The following CSMD1 variants were observed in gnomAD, a reference collection of about 807,000 sequenced individuals.
The protein encoded by CSMD1 is CUB and sushi domain-containing protein 1.
In CSMD1, 213 loss-of-function variants were observed where a neutral mutation model predicts 417.5. The observed-to-expected ratio is 0.51, with a 90% CI of 0.46 to 0.57. The LOEUF is 0.57. Ranked by LOEUF, CSMD1 falls within the 20% of genes least tolerant of loss-of-function variation. The pLI, the probability that CSMD1 is intolerant of heterozygous loss-of-function variation, is 0.00. For missense variants in CSMD1, 6,923 were observed against 4,529.7 expected (o/e 1.53, Z -15.17); for synonymous variants, 2,862 against 1,736.8 (o/e 1.65, Z -16.11).
chr8:4,525,941 T>C (rs1167078040), intron 2 of CSMD1, among the ~76,000 whole-genome samples: 1 of 152,098 alleles, frequency 6.6e-6, no homozygotes, highest in Non-Finnish European at 1.5e-5. Context: ...GGGCAGAATA[T>C]CCATGATAGA....
At chr8:4,345,155 A>G (rs947066993) in intron 3 of CSMD1, among the ~76,000 whole-genome samples, 8 of 152,188 alleles carry the variant, frequency 5.3e-5, no homozygotes, top group African/African-American at 1.7e-4. Flanking sequence ...AGCAGAAAAC[A>G]GTGGAAACAG....
chr8:4,781,243 G>C lies in CSMD1; in HGVS notation c.86-143685C>G, dbSNP rs568375645. Among the ~76,000 whole-genome samples, 119 of 152,330 alleles carry C rather than the reference G, an allele frequency of 7.8e-4. 4 individuals carry two copies. In the South Asian group the frequency reaches 0.023, roughly 29 times the overall value. ...TTATGTGGTGAGGCACAATGGCTAAGCATGATGAGGGAATGCCCTCCTGCA... is the reference window on the plus strand; with the variant it reads ...TTATGTGGTGAGGCACAATGGCTAACCATGATGAGGGAATGCCCTCCTGCA... On this transcript the variant is annotated intron_variant, in intron 1 of 69. Coordinates refer to ENST00000635120, the MANE Select transcript of CSMD1 (RefSeq NM_033225.6).
At chr8:4,434,724 T>A (rs545392168) in intron 2 of CSMD1, among the ~76,000 whole-genome samples, 1 of 152,278 alleles carries the variant, frequency 6.6e-6, no homozygotes, top group South Asian at 2.1e-4. Flanking sequence ...CTGACAGTGC[T>A]CATCCGGTGA....
chr8:4,126,999 A>C (rs1012536192), intron 3 of CSMD1, among the ~76,000 whole-genome samples: 4 of 152,134 alleles, frequency 2.6e-5, no homozygotes, highest in African/African-American at 9.7e-5. Context: ...CGAGTTTGAG[A>C]GCCACTGGCC....
At chr8:3,369,540 C>T (rs1157106881) in intron 18 of CSMD1, among the ~76,000 whole-genome samples, 170 bp from the exon 19 acceptor site, 4 of 152,156 alleles carry the variant, frequency 2.6e-5, no homozygotes, top group Non-Finnish European at 5.9e-5. Context: ...ATATCATATG[C>T]TAGTTCATAT....
chr8:4,472,964 T>G (rs1034186056), intron 2 of CSMD1, among the ~76,000 whole-genome samples: 17 of 151,918 alleles, frequency 1.1e-4, no homozygotes, highest in Non-Finnish European at 2.2e-4. Context: ...CATTACCTAT[T>G]TATATTTCAT....
intron 1 of CSMD1, among the ~76,000 whole-genome samples, chr8:4,707,078 AC>A (rs1807992063): frequency 6.6e-6 from 1 of 152,216 alleles, no homozygotes; most frequent in Non-Finnish European, 1.5e-5. Context: ...AGGAAAGATC[AC>A]CCTGGCAGCT....
At position 2,935,531 on chromosome 8, in the gene CSMD1, T is replaced by C. The variant is rs1585020220; in HGVS notation, c.*3054A>G. On this transcript the variant is annotated 3_prime_UTR_variant, in exon 70 of 70. Transcript: ENST00000635120. ...AATAGGATTGGAACTGAAAATCAGC[T>C]AGAGATGGTACATTTTACATTATTG... is the stretch of plus-strand genomic sequence containing the variant. 2.0e-5 allele frequency: 3 copies of C among 152,310 alleles called. No homozygotes were observed. The highest frequency in any genetic ancestry group is 2.1e-4 in the South Asian group (1 of 4,826). The allele number at this position is 152,310 out of a possible 1,614,324, so 9.4% of individuals were successfully genotyped here.
In CSMD1 at chr8:3,396,266, C is replaced by T. The variant is rs377581855; in HGVS notation, c.2521G>A (p.Gly841Arg). The T allele has an allele frequency of 1.1e-5, 18 of 1,589,610 alleles. No homozygotes were observed. Among genetic ancestry groups the T allele is most frequent in the South Asian group, 5.7e-5 (5 of 87,066 alleles). The change falls in exon 17 of 70, where the codon GGG becomes AGG. Residue 841 changes from glycine (G) to arginine (R), a missense_variant. Coordinates refer to ENST00000635120, the MANE Select transcript of CSMD1 (RefSeq NM_033225.6). ...TQAPQFLIST[G>R]NFMYLLFTTD... ...GTGAACAGCAGGTACATGAAGTTCC[C>T]GGTGCTGATGAGGAACTGGGGTGCC... is the stretch of plus-strand genomic sequence containing the variant.
At chr8:4,615,184 C>T (rs756435926) in intron 2 of CSMD1, among the ~76,000 whole-genome samples, 3 of 152,154 alleles carry the variant, frequency 2.0e-5, no homozygotes, top group Admixed American at 2.0e-4. Context: ...CGCCCTTACA[C>T]TCTCCATGCA....
intron 10 of CSMD1, among the ~76,000 whole-genome samples, chr8:3,528,122 C>T (rs1797830274): frequency 6.6e-6 from 1 of 152,142 alleles, no homozygotes; most frequent in Non-Finnish European, 1.5e-5. Context: ...GAAAGTGATT[C>T]TTTATTTTAC....
intron 21 of CSMD1, among the ~76,000 whole-genome samples, chr8:3,356,906 C>T (rs990830033): frequency 2.0e-5 from 3 of 152,032 alleles, no homozygotes; most frequent in Admixed American, 1.3e-4. Flanking sequence ...GAAGCACTGA[C>T]CAGGCTCTGT....
chr8:4,492,512 T>C (rs1242828724), intron 2 of CSMD1, among the ~76,000 whole-genome samples: 1 of 152,180 alleles, frequency 6.6e-6, no homozygotes, highest in East Asian at 1.9e-4. Context: ...TTAAACCACA[T>C]CTGATCATTA....
At chr8:4,129,300 C>T (rs887902071) in intron 3 of CSMD1, among the ~76,000 whole-genome samples, 1 of 152,054 alleles carries the variant, frequency 6.6e-6, no homozygotes, top group Admixed American at 6.6e-5. Context: ...CAGTCATTAT[C>T]TTCTCCCTCT....
intron 21 of CSMD1, among the ~76,000 whole-genome samples, chr8:3,356,668 T>A (rs1808814352): frequency 1.3e-5 from 2 of 151,546 alleles, no homozygotes. Context: ...AGAACAAAAC[T>A]CCATCTCAAA....
Position 4,031,929 on chromosome 8 carries a change from C to G in CSMD1, c.586G>C (p.Asp196His). Residue 196 changes from aspartate to histidine, a missense_variant, in exon 4 of 70, where the codon GAC becomes CAC. By Grantham distance (81) the Asp-to-His change is moderately conservative (BLOSUM62 -1). Transcript: ENST00000635120. ...CCTCTGCAAAAGGGAGCTGGGAAGT[C>G]CCACGATGCACCATTTCCTGGGCTG... is the stretch of plus-strand genomic sequence containing the variant. Reference protein sequence around the residue: ...IVSPGNGASWDFPAPFCRAEG... With the variant: ...IVSPGNGASWHFPAPFCRAEG... The G allele has an allele frequency of 6.2e-7, 1 of 1,613,660 alleles. No homozygotes were observed. The highest frequency in any genetic ancestry group is 1.1e-5 in the South Asian group (1 of 91,046).
intron 49 of CSMD1, among the ~76,000 whole-genome samples, chr8:3,065,905 G>A (rs1005919191): frequency 6.6e-6 from 1 of 152,204 alleles, no homozygotes; most frequent in East Asian, 1.9e-4. Flanking sequence ...GAAGAGCGTA[G>A]TTTCTACAGC....
intron 2 of CSMD1, among the ~76,000 whole-genome samples, chr8:4,466,215 G>C (rs1472777390): frequency 2.0e-5 from 3 of 152,114 alleles, no homozygotes; most frequent in Non-Finnish European, 4.4e-5. Flanking sequence ...ATAATAGTGA[G>C]ACAGGGATCT....
intron 3 of CSMD1, among the ~76,000 whole-genome samples, chr8:4,316,553 A>G (rs1261927697): frequency 1.3e-5 from 2 of 152,148 alleles, no homozygotes; most frequent in Non-Finnish European, 2.9e-5. Context: ...AATTATATAT[A>G]ATTAATAACT....
Sources: allele counts gnomAD v4.1 joint callset (sites outside exome capture counted in the v4.1 genomes callset), GRCh38; gene constraint gnomAD v4.1.1; transcripts MANE v1.5; gene names NCBI Gene and HGNC (gene_info 2026-07-23, HGNC 2026-07-21).